RBFOX1: variants seen among roughly 807,000 people sequenced by gnomAD.
The protein encoded by RBFOX1 is RNA binding fox-1 homolog 1.
Under a neutral mutation model 57.7 loss-of-function variants are expected in RBFOX1, and 8 were observed. The ratio of observed to expected loss-of-function variants is 0.14; its 90% CI spans 0.08 to 0.25. The LOEUF is 0.25. Among genes scored for constraint, RBFOX1 ranks in the 10% least tolerant of loss-of-function variants. The probability of loss-of-function intolerance (pLI) is 1.00; values close to 1 mark genes in which losing one functional copy is unlikely to be tolerated. For missense variants in RBFOX1, 611 were observed against 548.5 expected, an observed-to-expected ratio of 1.11 and a Z score of -1.14; for synonymous variants, 326 against 222.4, an observed-to-expected ratio of 1.47 and a Z score of -4.15.
chr16:6,978,059 C>T (rs1027409381), intron 3 of RBFOX1, among the ~76,000 whole-genome samples: 1 of 151,848 alleles, frequency 6.6e-6, no homozygotes, highest in African/African-American at 2.4e-5. Flanking sequence ...TCTAACCTGC[C>T]CCGTACCCCG....
intron 2 of RBFOX1, among the ~76,000 whole-genome samples, chr16:5,497,995 G>T (rs2043059264): frequency 6.6e-6 from 1 of 152,134 alleles, no homozygotes; most frequent in African/African-American, 2.4e-5. Context: ...ATGTGCAAAG[G>T]CTGGAAGATG....
intron 1 of RBFOX1, among the ~76,000 whole-genome samples, chr16:5,392,339 A>G (rs1019347993): frequency 3.3e-5 from 5 of 152,150 alleles, no homozygotes; most frequent in African/African-American, 1.2e-4. Context: ...ATTAGGACTC[A>G]GCCTGGTGAC....
chr16:5,569,030 T>G (rs1181433920), intron 2 of RBFOX1, among the ~76,000 whole-genome samples: 11 of 151,350 alleles, frequency 7.3e-5, no homozygotes, highest in Admixed American at 7.2e-4. Context: ...TTTTTTTTTT[T>G]TGGTAGAGGC....
At chr16:6,829,139 A>T (rs890800221) in intron 3 of RBFOX1, among the ~76,000 whole-genome samples, 2 of 152,094 alleles carry the variant, frequency 1.3e-5, no homozygotes, top group Admixed American at 6.5e-5. Context: ...GTAATTGTCT[A>T]ATAAGTGGAA....
At chr16:7,406,525 A>G (rs1364881415) in intron 4 of RBFOX1, among the ~76,000 whole-genome samples, 1 of 152,212 alleles carries the variant, frequency 6.6e-6, no homozygotes, top group Non-Finnish European at 1.5e-5. Flanking sequence ...TTTTGAGTGG[A>G]CAGTAAATTA....
At chr16:5,667,807 C>G (rs555086273) in intron 3 of RBFOX1, among the ~76,000 whole-genome samples, 1 of 152,282 alleles carries the variant, frequency 6.6e-6, no homozygotes, top group African/African-American at 2.4e-5. Flanking sequence ...CCTTTATCAT[C>G]TCCCCAGGTT....
At chr16:6,684,819 T>C (rs2059186385) in intron 3 of RBFOX1, among the ~76,000 whole-genome samples, 1 of 152,236 alleles carries the variant, frequency 6.6e-6, no homozygotes, top group Non-Finnish European at 1.5e-5. Context: ...AGCATTTCTT[T>C]TTTCTCTTCT....
intron 4 of RBFOX1, among the ~76,000 whole-genome samples, chr16:7,379,229 AG>A (rs1010433011): frequency 2.6e-5 from 4 of 152,212 alleles, no homozygotes; most frequent in Non-Finnish European, 5.9e-5. Flanking sequence ...AATGACGTTT[AG>A]CTTTTTGATT....
intron 3 of RBFOX1, among the ~76,000 whole-genome samples, chr16:6,776,928 G>A (rs758947197): frequency 1.3e-5 from 2 of 152,106 alleles, no homozygotes; most frequent in Non-Finnish European, 2.9e-5. Context: ...ATGTACACCT[G>A]GCTTTGTATT....
At chr16:7,001,392 GTGTATTTGTATATGTATATGTATA>G (rs1408261477) in intron 3 of RBFOX1, among the ~76,000 whole-genome samples, 95 of 84,130 alleles carry the variant, frequency 1.1e-3, no homozygotes, top group African/African-American at 7.3e-3. Context: ...GTATGTGTAT[GTGTATTTGTATATGTATATGTATA>G]TGTATATGTA....
At chr16:6,572,432 C>A (rs1000059228) in intron 2 of RBFOX1, among the ~76,000 whole-genome samples, 3 of 152,120 alleles carry the variant, frequency 2.0e-5, no homozygotes, top group Non-Finnish European at 4.4e-5. Flanking sequence ...GAATGTCTAA[C>A]CTTTGTTGGG....
chr16:5,410,858 A>G (rs1044893516), intron 1 of RBFOX1, among the ~76,000 whole-genome samples: 1 of 152,224 alleles, frequency 6.6e-6, no homozygotes, highest in African/African-American at 2.4e-5. Flanking sequence ...TCATATACGC[A>G]TGGATTTAAA....
chr16:5,474,590 G>A (rs534513375), intron 2 of RBFOX1, among the ~76,000 whole-genome samples: 4 of 152,006 alleles, frequency 2.6e-5, no homozygotes, highest in Admixed American at 6.5e-5. Flanking sequence ...GGAGGCAGAG[G>A]TTGCAGTGAG....
At chr16:6,963,092 C>G (rs900615268) in intron 3 of RBFOX1, among the ~76,000 whole-genome samples, 3 of 152,112 alleles carry the variant, frequency 2.0e-5, no homozygotes, top group African/African-American at 7.2e-5. Flanking sequence ...CTTCCCTCTC[C>G]TTTACTGAGG....
At chr16:6,613,394 A>T in intron 2 of RBFOX1, among the ~76,000 whole-genome samples, 1 of 152,088 alleles carries the variant, frequency 6.6e-6, no homozygotes, top group Non-Finnish European at 1.5e-5. Context: ...GCCTAGGACA[A>T]AGCGGGGGAA....
chr16:7,344,346 TTATTTTA>T (rs1218028138), intron 4 of RBFOX1, among the ~76,000 whole-genome samples: 6 of 150,402 alleles, frequency 4.0e-5, no homozygotes, highest in African/African-American at 9.7e-5. Flanking sequence ...TGTTACATGA[TTATTTTA>T]TATTTTATAT....
At chr16:7,501,078 A>C (rs766120526) in intron 4 of RBFOX1, among the ~76,000 whole-genome samples, 3 of 152,108 alleles carry the variant, frequency 2.0e-5, no homozygotes, top group Non-Finnish European at 4.4e-5. Flanking sequence ...CTGTGAGTCA[A>C]CCTCTTTCCT....
intron 3 of RBFOX1, among the ~76,000 whole-genome samples, chr16:5,681,394 T>C (rs1488864983): frequency 8.1e-5 from 12 of 148,844 alleles, no homozygotes; most frequent in East Asian, 3.9e-4. Context: ...TTTTTCTTTT[T>C]TTTTTTTTTT....
At chr16:6,999,212 A>ATTTTTTTTTTTTTTTTTTTTTTTTTTTT (rs1254312494) in intron 3 of RBFOX1, among the ~76,000 whole-genome samples, 1 of 117,692 alleles carries the variant, frequency 8.5e-6, no homozygotes, top group Non-Finnish European at 1.9e-5. Context: ...TTTTATTTTT[A>ATTTTTTTTTTTTTTTTTTTTTTTTTTTT]TTTATTTTTT....
Sources: allele counts gnomAD v4.1 joint callset (sites outside exome capture counted in the v4.1 genomes callset), GRCh38; gene constraint gnomAD v4.1.1; transcripts MANE v1.5; gene names NCBI Gene and HGNC (gene_info 2026-07-23, HGNC 2026-07-21).